Variants in USP38 observed in about 807,000 individuals in gnomAD.
USP38 encodes ubiquitin carboxyl-terminal hydrolase 38.
A neutral mutation model predicts 94.3 loss-of-function variants in USP38; 49 were observed. The observed-to-expected ratio is 0.52, with a 90% CI of 0.41 to 0.66. The LOEUF is 0.66. Ranked by LOEUF, USP38 falls within the 30% of genes least tolerant of loss-of-function variation. The probability of loss-of-function intolerance (pLI) is 0.00; values close to 1 mark genes in which losing one functional copy is unlikely to be tolerated. For synonymous variants in USP38, 468 were observed against 463.6 expected (o/e 1.01, Z -0.12); for missense variants, 1,128 against 1,229.4 (o/e 0.92, Z 1.23).
chr4:143,214,944 G>A lies in USP38; in HGVS notation c.2967+1G>A. ...AAAAGACAATAAACTATATTTACAG[G>A]TAAGTTGGAAATACAAGCTTTATTT... On this transcript the variant is annotated splice_donor_variant, in intron 9 of 9. Transcript: ENST00000307017. LOFTEE classifies it high-confidence loss of function. 6.2e-7 allele frequency: 1 copy of A among 1,608,402 alleles called. No homozygotes were observed. The highest frequency in any genetic ancestry group is 8.5e-7 in the Non-Finnish European group (1 of 1,177,918).
chr4:143,216,274 A>G (rs1456768568), intron 9 of USP38, among the ~76,000 whole-genome samples: 1 of 152,118 alleles, frequency 6.6e-6, no homozygotes, highest in Non-Finnish European at 1.5e-5. Context: ...AAAAAGCATT[A>G]TGTATTTTGT....
intron 9 of USP38, among the ~76,000 whole-genome samples, chr4:143,216,142 C>A (rs536534046): frequency 6.6e-6 from 1 of 152,198 alleles, no homozygotes; most frequent in South Asian, 2.1e-4. Context: ...AGCTTAGCTC[C>A]AAGTGATTTT....
Position 143,212,383 on chromosome 4 carries a change from A to C in USP38, c.1563A>C (p.Ser521=). The C allele has an allele frequency of 6.2e-7, 1 of 1,611,416 alleles. No individual in the cohort carries two copies. The highest frequency in any genetic ancestry group is 1.1e-5 in the South Asian group (1 of 90,780). ...ASRPPWFTPR[S]QQDCSEYLRF... is the part of the protein sequence containing the mutation. ...GACCTCCATGGTTTACTCCCAGATC[A>C]CAGCAAGACTGTTCTGAATACCTCA... Residue 521 remains serine (S), a synonymous_variant, in exon 8 of 10, where the codon TCA becomes TCC. Transcript: ENST00000307017.
At chr4:143,212,980 T>TA (rs1163035512) in intron 8 of USP38, among the ~76,000 whole-genome samples, 1 of 152,178 alleles carries the variant, frequency 6.6e-6, no homozygotes, top group Non-Finnish European at 1.5e-5. Flanking sequence ...TATCAATAAA[T>TA]ACAACCCATG....
In USP38 at chr4:143,185,492, C is replaced by T. The variant is rs754442297; in HGVS notation, c.42C>T (p.Pro14=). Residue 14 remains proline (P), a synonymous_variant, in exon 1 of 10, where the codon CCC becomes CCT. Coordinates refer to ENST00000307017, the MANE Select transcript of USP38 (RefSeq NM_032557.6). ...AGGGCCTTGTGAGTTCCTCGCATCC[C>T]CTGCCCCTCAAGCGGGTGATTGTGC... ...ILEGLVSSSH[P]LPLKRVIVRK... The T allele has an allele frequency of 8.7e-6, 14 of 1,606,880 alleles. No individual in the cohort carries two copies. In the Admixed American group the frequency reaches 1.2e-4, roughly 13 times the overall value.
At chr4:143,211,856 C>G (rs1024978815) in intron 7 of USP38, among the ~76,000 whole-genome samples, 3 of 152,108 alleles carry the variant, frequency 2.0e-5, no homozygotes, top group Non-Finnish European at 4.4e-5. Context: ...AAATTTTTGC[C>G]TAAAGTAGGT....
chr4:143,202,101 CTT>C (rs113260918), intron 4 of USP38, among the ~76,000 whole-genome samples: 4,667 of 152,218 alleles, frequency 0.031, 257 homozygotes, highest in African/African-American at 0.11. Context: ...GGATTTCTGA[CTT>C]TTAGCAAGAG....
At position 143,213,572 on chromosome 4, in the gene USP38, C is replaced by G. The variant is rs1014243103; in HGVS notation, c.1605-9C>G. On this transcript the variant is annotated splice_polypyrimidine_tract_variant and intron_variant, in intron 8 of 9. Transcript: ENST00000307017. Reference sequence around the variant, plus strand: ...TTAAGTAGCTATATAATGATATCCTCTGCTGCAGGCTCCATGAAGAAGAAA... The same window carrying G: ...TTAAGTAGCTATATAATGATATCCTGTGCTGCAGGCTCCATGAAGAAGAAA... The G allele has an allele frequency of 6.3e-7, 1 of 1,586,662 alleles. No individual in the cohort carries two copies. The highest frequency in any genetic ancestry group is 1.9e-5 in the Admixed American group (1 of 53,642).
chr4:143,196,790 C>T (rs1190243115), intron 3 of USP38, among the ~76,000 whole-genome samples: 2 of 152,228 alleles, frequency 1.3e-5, no homozygotes, highest in African/African-American at 4.8e-5. Context: ...CTCAGATTCA[C>T]TTTATCTACA....
Position 143,203,400 on chromosome 4 carries a change from CT to C in USP38, c.1051-4del. 1 of 1,597,790 alleles carries C rather than the reference CT, an allele frequency of 6.3e-7. No individual in the cohort carries two copies. The highest frequency in any genetic ancestry group is 8.5e-7 in the Non-Finnish European group (1 of 1,172,354). On this transcript the variant is annotated splice_polypyrimidine_tract_variant and splice_region_variant and intron_variant, in intron 4 of 9. Coordinates refer to ENST00000307017, the MANE Select transcript of USP38 (RefSeq NM_032557.6). The stretch of plus-strand genomic sequence containing the variant: ...AATTCAGCATTGTTTATCCTTTTTT[CT>C]TTTCAGATTGTTCCTCATGTGGTTA...
intron 8 of USP38, 112 bp downstream of exon 8, chr4:143,212,536 T>C: frequency 1.8e-6 from 1 of 546,870 alleles, no homozygotes; most frequent in South Asian, 4.2e-5. Context: ...CTCTTTAAAA[T>C]ACTATTGCAT....
At chr4:143,191,937 T>C (rs1294645258) in intron 2 of USP38, among the ~76,000 whole-genome samples, 11 of 152,232 alleles carry the variant, frequency 7.2e-5, no homozygotes, top group Admixed American at 7.2e-4. Flanking sequence ...AGTGCCTGCC[T>C]GTACTGGAGA....
intron 6 of USP38, among the ~76,000 whole-genome samples, chr4:143,207,720 A>G (rs995635860): frequency 1.8e-4 from 27 of 151,848 alleles, no homozygotes; most frequent in African/African-American, 6.5e-4. Flanking sequence ...GATACTAGGC[A>G]TAAGACTGAA....
Position 143,213,623 on chromosome 4 carries a change from C to T in USP38, c.1647C>T (p.His549=), listed in dbSNP as rs905963715. The T allele has an allele frequency of 1.9e-6, 3 of 1,612,976 alleles. No individual in the cohort carries two copies. The highest frequency in any genetic ancestry group is 2.5e-6 in the Non-Finnish European group (3 of 1,179,506). The change falls in exon 9 of 10, where the codon CAC becomes CAT. Residue 549 remains histidine, a synonymous_variant. Transcript: ENST00000307017. ...EEKILKVQAS[H]KPSEILECSE... Reference sequence around the variant, plus strand: ...AGATCTTGAAAGTTCAGGCCTCACACAAGCCTTCTGAAATTCTGGAATGCA... The same window carrying T: ...AGATCTTGAAAGTTCAGGCCTCACATAAGCCTTCTGAAATTCTGGAATGCA...
rs1164591630 is a variant in USP38, at chr4:143,222,845, A to T, written c.*2389A>T. The T allele has an allele frequency of 6.6e-6, 1 of 152,122 alleles. No homozygotes were observed. Among genetic ancestry groups the T allele is most frequent in the Non-Finnish European group, 1.5e-5 (1 of 67,972 alleles). 9.4% of individuals were successfully genotyped at this position (152,122 alleles called of 1,614,324 possible). A position where few individuals can be genotyped will look rare whatever the true frequency, so the allele number is the denominator to read the frequency against. On this transcript the variant is annotated 3_prime_UTR_variant, in exon 10 of 10. Coordinates refer to ENST00000307017, the MANE Select transcript of USP38 (RefSeq NM_032557.6). ...TAATTACAGATTTATTTGTCATATT[A>T]GGTCTTTTCTTTCTCCCATATTCCT... is the stretch of plus-strand genomic sequence containing the variant.
In USP38 at chr4:143,212,416, C is replaced by G. The variant is rs61760234; in HGVS notation, c.1596C>G (p.Leu532=). The change falls in exon 8 of 10, where the codon CTC becomes CTG. Residue 532 remains leucine (L), a synonymous_variant. Coordinates refer to ENST00000307017, the MANE Select transcript of USP38 (RefSeq NM_032557.6). The part of the protein sequence containing the change: ...QQDCSEYLRF[L]LDRLHEEEKI... ...ACTGTTCTGAATACCTCAGATTTCT[C>G]CTTGACAGGTAAAAAGTATTCTTAA... The G allele has an allele frequency of 3.1e-6, 5 of 1,592,958 alleles. No homozygotes were observed. Among genetic ancestry groups the G allele is most frequent in the Non-Finnish European group, 4.3e-6 (5 of 1,170,292 alleles).
chr4:143,206,251 AT>A, intron 6 of USP38, 25 bp downstream of exon 6: 1 of 1,524,214 alleles, frequency 6.6e-7, no homozygotes. Context: ...GAATCTTTTC[AT>A]TTTAACTGTA....
At chr4:143,204,459 G>A (rs781185693) in intron 5 of USP38, 23 of 445,384 alleles carry the variant, frequency 5.2e-5, no homozygotes, top group South Asian at 1.3e-4. Context: ...GCATGATCAC[G>A]GCTCACTGCA....
chr4:143,195,127 A>T (rs943056855), intron 2 of USP38, among the ~76,000 whole-genome samples: 1 of 152,160 alleles, frequency 6.6e-6, no homozygotes, highest in African/African-American at 2.4e-5. Flanking sequence ...ACTCACCAGG[A>T]AGGAGGAATC....
Sources: gnomAD v4.1 joint callset for allele counts (sites outside exome capture counted in the v4.1 genomes callset) on GRCh38, gnomAD v4.1.1 for gene constraint, MANE v1.5 for transcripts, NCBI Gene and HGNC (gene_info 2026-07-23, HGNC 2026-07-21) for gene names.